The following PTAFR variants were observed in gnomAD, a reference collection of about 807,000 sequenced individuals.
The protein encoded by PTAFR is platelet-activating factor receptor.
A neutral mutation model predicts 14.7 loss-of-function variants in PTAFR; 8 were observed. The ratio of observed to expected loss-of-function variants is 0.54; its 90% CI spans 0.32 to 0.98. The LOEUF (loss-of-function observed/expected upper bound fraction) is 0.98, where lower values mean the gene tolerates loss of function less well. PTAFR is among the 50% of genes least tolerant of loss of function. The pLI, the probability that PTAFR is intolerant of heterozygous loss-of-function variation, is 0.04. For missense variants in PTAFR, 337 were observed against 451.2 expected, an observed-to-expected ratio of 0.75 and a Z score of 2.29; for synonymous variants, 156 against 176.5, an observed-to-expected ratio of 0.88 and a Z score of 0.92.
intron 1 of PTAFR, among the ~76,000 whole-genome samples, chr1:28,172,650 GA>G (rs1389903075): frequency 1.3e-5 from 2 of 152,174 alleles, no homozygotes; most frequent in African/African-American, 4.8e-5. Context: ...TTGAATAAGT[GA>G]ATAAAGAAGC....
At chr1:28,154,900 T>C (rs573179218) in intron 1 of PTAFR, among the ~76,000 whole-genome samples, 82 of 150,936 alleles carry the variant, frequency 5.4e-4, no homozygotes, top group Non-Finnish European at 9.1e-4. Flanking sequence ...GGAGGTGACA[T>C]TTCAGTTGAG....
chr1:28,167,499 C>T (rs1021078820), intron 1 of PTAFR, among the ~76,000 whole-genome samples: 3 of 151,968 alleles, frequency 2.0e-5, no homozygotes, highest in East Asian at 3.8e-4. Context: ...GCATAGTGTT[C>T]GTGGGATTCC....
At position 28,159,091 on chromosome 1, in the gene PTAFR, G is replaced by C. The variant is rs189906362; in HGVS notation, c.-38-8032C>G. Among the ~76,000 whole-genome samples, 318 of 152,310 alleles carry C rather than the reference G, an allele frequency of 2.1e-3. 4 individuals are homozygous for C. The highest frequency in any genetic ancestry group is 0.019 in the Admixed American group (288 of 15,296). ...CCAGGTGTCTGGGCCAGATGATTGA[G>C]GACATGGTGGTGTCTGTCTTCATGG... On this transcript the variant is annotated intron_variant, in intron 1 of 1. Transcript: ENST00000373857.
chr1:28,186,662 AC>A (rs1185182529), intron 1 of PTAFR, among the ~76,000 whole-genome samples: 2 of 152,178 alleles, frequency 1.3e-5, no homozygotes, highest in Non-Finnish European at 2.9e-5. Context: ...AGTGGCACAC[AC>A]CTGTAATCTC....
intron 1 of PTAFR, among the ~76,000 whole-genome samples, chr1:28,158,919 G>A (rs747407484): frequency 1.2e-4 from 18 of 152,190 alleles, no homozygotes; most frequent in South Asian, 2.1e-4. Context: ...ACGTGCAGTC[G>A]TCTGGAGGGC....
intron 1 of PTAFR, among the ~76,000 whole-genome samples, chr1:28,192,795 C>T (rs573786345): frequency 5.3e-4 from 81 of 151,948 alleles, no homozygotes; most frequent in African/African-American, 1.8e-3. Context: ...TACAGGCACC[C>T]GCCACCATGC....
intron 1 of PTAFR, among the ~76,000 whole-genome samples, chr1:28,162,748 G>A (rs1358890904): frequency 7.1e-6 from 1 of 140,504 alleles, no homozygotes; most frequent in Non-Finnish European, 1.5e-5. Context: ...ATAATTGCTT[G>A]AACCCAGGAG....
intron 1 of PTAFR, among the ~76,000 whole-genome samples, chr1:28,171,313 A>G (rs1646450932): frequency 6.7e-6 from 1 of 149,350 alleles, no homozygotes; most frequent in Non-Finnish European, 1.5e-5. Context: ...ACAGACCGAG[A>G]CTCCATCTCA....
In PTAFR at chr1:28,150,107, G is replaced by A. The variant is rs750555267; in HGVS notation, c.915C>T (p.Thr305=). 21 of 1,614,036 alleles carry A rather than the reference G, an allele frequency of 1.3e-5. No homozygotes were observed. The highest frequency in any genetic ancestry group is 4.5e-5 in the East Asian group (2 of 44,898). ...TACTGCGCATGCTGTAGAACTTTTCGGTGAGGTGCTTGCGGAACTTCTTGG... is the reference window on the plus strand; with the variant it reads ...TACTGCGCATGCTGTAGAACTTTTCAGTGAGGTGCTTGCGGAACTTCTTGG... ...FLTKKFRKHL[T]EKFYSMRSSR... The change falls in exon 2 of 2, where the codon ACC becomes ACT. Residue 305 remains threonine (T), a synonymous_variant. Coordinates refer to ENST00000373857, the MANE Select transcript of PTAFR (RefSeq NM_000952.5). This position sits in a 1 kb window ranked among gnomAD's most constrained non-coding sequence, Gnocchi z 6.3.
At chr1:28,186,082 A>G (rs1378823838) in intron 1 of PTAFR, among the ~76,000 whole-genome samples, 1 of 152,056 alleles carries the variant, frequency 6.6e-6, no homozygotes, top group Non-Finnish European at 1.5e-5. Context: ...GGTTCAAGCA[A>G]TTCTCCCACC....
In PTAFR at chr1:28,150,434, GA is replaced by G; in HGVS notation, c.587del (p.Phe196SerfsTer93). ...IIHIFIVFSF[F>X]LVFLIILFCN... The stretch of plus-strand genomic sequence containing the variant: ...AGAAGAGGATGATGAGGAAGACCAG[GA>G]AGAAGCTGAACACGATGAAGATGTG... On this transcript the variant is annotated frameshift_variant, in exon 2 of 2. Coordinates refer to ENST00000373857, the MANE Select transcript of PTAFR (RefSeq NM_000952.5). LOFTEE classifies it high-confidence loss of function. The surrounding 1 kb of genome is among the most constrained non-coding windows in gnomAD (Gnocchi z 6.3). 3 of 1,614,122 alleles carry G rather than the reference GA, an allele frequency of 1.9e-6. No homozygotes were observed. The highest frequency in any genetic ancestry group is 2.5e-6 in the Non-Finnish European group (3 of 1,179,994).
At chr1:28,165,806 A>T (rs781394519) in intron 1 of PTAFR, among the ~76,000 whole-genome samples, 2 of 152,152 alleles carry the variant, frequency 1.3e-5, no homozygotes, top group Non-Finnish European at 2.9e-5. Context: ...TTGCTGAAAG[A>T]AATTGAAGAT....
intron 1 of PTAFR, among the ~76,000 whole-genome samples, chr1:28,171,246 C>G (rs1023970640): frequency 6.6e-6 from 1 of 151,538 alleles, no homozygotes; most frequent in African/African-American, 2.4e-5. Flanking sequence ...CCACTTGAAC[C>G]CGGGAGGGGG....
chr1:28,165,274 G>A (rs1443734996), intron 1 of PTAFR, among the ~76,000 whole-genome samples: 3 of 150,326 alleles, frequency 2.0e-5, no homozygotes, highest in Admixed American at 6.7e-5. Context: ...GCGTGGTGGC[G>A]CATGCCTGTA....
chr1:28,150,020 C>T lies in PTAFR; in HGVS notation c.1002G>A (p.Gln334=), dbSNP rs772953333. Residue 334 remains glutamine (Q), a synonymous_variant, in exon 2 of 2, where the codon CAG becomes CAA. Coordinates refer to ENST00000373857, the MANE Select transcript of PTAFR (RefSeq NM_000952.5). The surrounding 1 kb of genome is among the most constrained non-coding windows in gnomAD (Gnocchi z 6.3). ...TVTEVVVPFN[Q]IPGNSLKN ...AATTTTTGAGGGAATTGCCAGGGAT[C>T]TGGTTGAATGGCACAACCACTTCAG... The T allele has an allele frequency of 1.2e-6, 2 of 1,613,318 alleles. No individual in the cohort carries two copies. The highest frequency in any genetic ancestry group is 8.5e-7 in the Non-Finnish European group (1 of 1,179,532).
intron 1 of PTAFR, among the ~76,000 whole-genome samples, chr1:28,185,442 G>A (rs1358802588): frequency 6.6e-6 from 1 of 152,178 alleles, no homozygotes; most frequent in Admixed American, 6.5e-5. Flanking sequence ...CAAGAGTGTT[G>A]TGGACATTTC....
chr1:28,150,803 C>A lies in PTAFR; in HGVS notation c.219G>T (p.Trp73Cys), dbSNP rs1415390685. ...DMLFLITLPL[W>C]IVYYQNQGNW... ...TGCCCTGGTTTTGGTAGTAGACAAT[C>A]CAAAGTGGCAGGGTGATCAAGAAGA... Residue 73 changes from tryptophan (W) to cysteine (C), a missense_variant, in exon 2 of 2, where the codon TGG becomes TGT. Coordinates refer to ENST00000373857, the MANE Select transcript of PTAFR (RefSeq NM_000952.5). This position sits in a 1 kb window ranked among gnomAD's most constrained non-coding sequence, Gnocchi z 6.3. 2.5e-6 allele frequency: 4 copies of A among 1,614,104 alleles called. No individual in the cohort carries two copies. The Admixed American group carries it at 5.0e-5, about 20-fold the overall frequency.
intron 1 of PTAFR, among the ~76,000 whole-genome samples, chr1:28,183,806 G>A (rs893201736): frequency 1.3e-5 from 2 of 151,944 alleles, no homozygotes; most frequent in Non-Finnish European, 2.9e-5. Context: ...AGAATCACTT[G>A]AACCCGGGAG....
chr1:28,162,859 A>G (rs1015367863), intron 1 of PTAFR, among the ~76,000 whole-genome samples: 3 of 144,896 alleles, frequency 2.1e-5, no homozygotes, highest in East Asian at 2.0e-4. Flanking sequence ...AAAAGACTCC[A>G]TATGTTAATA....
Sources: allele counts gnomAD v4.1 joint callset (sites outside exome capture counted in the v4.1 genomes callset), GRCh38; gene constraint gnomAD v4.1.1; non-coding constraint Gnocchi (gnomAD v3.1); transcripts MANE v1.5; gene names NCBI Gene and HGNC (gene_info 2026-07-23, HGNC 2026-07-21).